The following NTM variants were observed in gnomAD, a reference collection of about 807,000 sequenced individuals.
The protein encoded by NTM is IgLON family member 2.
NTM carries 13 observed loss-of-function variants against 42.1 expected under a neutral mutation model. The observed-to-expected ratio is 0.31, with a 90% CI of 0.20 to 0.49. The LOEUF is 0.49. Among genes scored for constraint, NTM ranks in the 20% least tolerant of loss-of-function variants. The probability of loss-of-function intolerance (pLI) is 0.99; values close to 1 mark genes in which losing one functional copy is unlikely to be tolerated. For missense variants in NTM, 373 were observed against 452.8 expected (o/e 0.82, Z 1.60); for synonymous variants, 187 against 179.2 (o/e 1.04, Z -0.35).
chr11:131,507,069 C>T (rs1448067880), intron 1 of NTM, among the ~76,000 whole-genome samples: 3 of 152,090 alleles, frequency 2.0e-5, no homozygotes, highest in Admixed American at 2.0e-4. Context: ...TTACAGACAA[C>T]CTCTCATTTT....
At chr11:131,654,432 C>A (rs1364940750) in intron 1 of NTM, among the ~76,000 whole-genome samples, 1 of 151,830 alleles carries the variant, frequency 6.6e-6, no homozygotes, top group Admixed American at 6.6e-5. Flanking sequence ...CGTCCAGTCC[C>A]GACAGGTTTT....
chr11:131,695,039 C>CG (rs2075276323), intron 1 of NTM, among the ~76,000 whole-genome samples: 2 of 152,144 alleles, frequency 1.3e-5, no homozygotes, highest in Admixed American at 1.3e-4. Flanking sequence ...AGGAGCGCCG[C>CG]CGCCGCCGGG....
chr11:131,781,640 A>G (rs941829535), intron 1 of NTM, among the ~76,000 whole-genome samples: 1 of 152,226 alleles, frequency 6.6e-6, no homozygotes, highest in South Asian at 2.1e-4. Context: ...GCTTCTGGCA[A>G]TGAGAGATTA....
intron 1 of NTM, among the ~76,000 whole-genome samples, chr11:131,898,975 A>T (rs1429760053): frequency 6.6e-6 from 1 of 152,168 alleles, no homozygotes; most frequent in Non-Finnish European, 1.5e-5. Context: ...GAAAAATTCT[A>T]TGGAAAACAA....
chr11:131,833,517 C>T (rs1338602709), intron 1 of NTM, among the ~76,000 whole-genome samples: 2 of 152,210 alleles, frequency 1.3e-5, no homozygotes, highest in Non-Finnish European at 2.9e-5. Flanking sequence ...GAATGGAAGA[C>T]ACTCATGGGG....
At chr11:131,885,599 A>G (rs1228417876) in intron 1 of NTM, among the ~76,000 whole-genome samples, 1 of 152,082 alleles carries the variant, frequency 6.6e-6, no homozygotes, top group African/African-American at 2.4e-5. Flanking sequence ...CCCCCACCCC[A>G]TCCAATTCCA....
At chr11:132,213,395 G>A (rs1023757596) in intron 4 of NTM, among the ~76,000 whole-genome samples, 8 of 151,908 alleles carry the variant, frequency 5.3e-5, no homozygotes, top group African/African-American at 1.5e-4. Flanking sequence ...CCTCTACATC[G>A]GCACAGCAGT....
intron 3 of NTM, among the ~76,000 whole-genome samples, chr11:132,167,525 A>G (rs1392827648): frequency 1.3e-5 from 2 of 152,334 alleles, no homozygotes; most frequent in South Asian, 2.1e-4. Context: ...GGAGTAGCCA[A>G]TCTGTCCATT....
At position 132,335,225 on chromosome 11, in the gene NTM, C is replaced by A. The variant is rs1425511522; in HGVS notation, c.*79C>A. ...ACAACAGCAATGGCAACACCGACAG[C>A]AACCAATCAGATATATACAAATGAA... On this transcript the variant is annotated 3_prime_UTR_variant, in exon 9 of 9. Transcript: ENST00000683400. The A allele has an allele frequency of 2.0e-6, 3 of 1,478,672 alleles. No individual in the cohort carries two copies. Among genetic ancestry groups the A allele is most frequent in the Non-Finnish European group, 2.8e-6 (3 of 1,072,562 alleles). The allele number at this position is 1,478,672 out of a possible 1,614,324, so 91.6% of individuals were successfully genotyped here.
chr11:131,780,493 G>T (rs765628941), intron 1 of NTM, among the ~76,000 whole-genome samples: 1 of 152,150 alleles, frequency 6.6e-6, no homozygotes, highest in African/African-American at 2.4e-5. Flanking sequence ...AGAAGTGGGT[G>T]TATGGGTCTG....
At chr11:132,302,847 A>G (rs757486795) in intron 4 of NTM, among the ~76,000 whole-genome samples, 60 of 152,206 alleles carry the variant, frequency 3.9e-4, no homozygotes, top group Non-Finnish European at 7.9e-4. Flanking sequence ...TCAGTTTCCC[A>G]CAAGAAAAAT....
chr11:131,591,451 C>T (rs2059363476), intron 1 of NTM, among the ~76,000 whole-genome samples: 1 of 152,204 alleles, frequency 6.6e-6, no homozygotes, highest in Non-Finnish European at 1.5e-5. Flanking sequence ...GGGGCACACC[C>T]TGGCTCCCCA....
chr11:131,453,034 C>T (rs1950601628), intron 1 of NTM, among the ~76,000 whole-genome samples: 1 of 152,170 alleles, frequency 6.6e-6, no homozygotes, highest in Non-Finnish European at 1.5e-5. Context: ...TCCAATGGCT[C>T]CAGCTCAGCA....
chr11:131,510,269 T>C (rs568966029), intron 1 of NTM, among the ~76,000 whole-genome samples: 2 of 152,222 alleles, frequency 1.3e-5, no homozygotes, highest in South Asian at 4.1e-4. Flanking sequence ...CGCAGCGGGC[T>C]TTCTACTCAT....
intron 6 of NTM, among the ~76,000 whole-genome samples, chr11:132,313,803 T>C (rs2095348406): frequency 6.6e-6 from 1 of 152,140 alleles, no homozygotes; most frequent in Non-Finnish European, 1.5e-5. Flanking sequence ...ATTTCTGTAG[T>C]GGCCCCCAGA....
At chr11:131,824,781 G>A (rs2041931722) in intron 1 of NTM, among the ~76,000 whole-genome samples, 1 of 152,142 alleles carries the variant, frequency 6.6e-6, no homozygotes, top group Non-Finnish European at 1.5e-5. Context: ...TGGAACTGGG[G>A]AAAGAGTAGG....
chr11:131,486,168 G>A (rs554059563), intron 1 of NTM, among the ~76,000 whole-genome samples: 217 of 152,256 alleles, frequency 1.4e-3, no homozygotes, highest in African/African-American at 5.1e-3. Flanking sequence ...AATGATAATA[G>A]CAGCATTACT....
chr11:132,218,087 C>G (rs1439430221), intron 4 of NTM, among the ~76,000 whole-genome samples: 1 of 152,066 alleles, frequency 6.6e-6, no homozygotes, highest in Non-Finnish European at 1.5e-5. Flanking sequence ...ACTGCAGCAC[C>G]CTGGAACTAA....
intron 2 of NTM, among the ~76,000 whole-genome samples, chr11:131,997,342 C>T (rs1275851308): frequency 6.6e-6 from 1 of 152,202 alleles, no homozygotes; most frequent in Non-Finnish European, 1.5e-5. Context: ...TCTATGACTT[C>T]TGCAGGATGA....
Sources: gnomAD v4.1 joint callset for allele counts (sites outside exome capture counted in the v4.1 genomes callset) on GRCh38, gnomAD v4.1.1 for gene constraint, MANE v1.5 for transcripts, NCBI Gene and HGNC (gene_info 2026-07-23, HGNC 2026-07-21) for gene names.